The following HEMK2 variants were observed in gnomAD, a reference collection of about 807,000 sequenced individuals.
HEMK2 encodes the protein methyltransferase HEMK2.
the HEMK2 span, among the ~76,000 whole-genome samples, chr21:28,605,043 T>C: frequency 6.6e-6 from 1 of 152,242 alleles, no homozygotes; most frequent in African/African-American, 2.4e-5. Context: ...ATGTATCATG[T>C]AGGATTGATC....
chr21:28,669,235 T>C, the HEMK2 span, among the ~76,000 whole-genome samples: 8 of 152,234 alleles, frequency 5.3e-5, no homozygotes, highest in South Asian at 6.2e-4. Flanking sequence ...GGTACACATA[T>C]GTAATCCTAG....
At chr21:28,600,531 G>T in the HEMK2 span, among the ~76,000 whole-genome samples, 1 of 152,208 alleles carries the variant, frequency 6.6e-6, no homozygotes, top group Non-Finnish European at 1.5e-5. Context: ...GGCCTGTGAT[G>T]ATAAGGGCTG....
chr21:28,694,107 C>G, the HEMK2 span, among the ~76,000 whole-genome samples: 1 of 152,166 alleles, frequency 6.6e-6, no homozygotes, highest in Admixed American at 6.5e-5. Context: ...GGAAGGGTAC[C>G]TGTTTGTAAT....
chr21:28,658,707 C>T, the HEMK2 span, among the ~76,000 whole-genome samples: 1 of 152,070 alleles, frequency 6.6e-6, no homozygotes, highest in Non-Finnish European at 1.5e-5. Context: ...TTTAAGAAAT[C>T]GTATTATATC....
chr21:28,596,995 C>G, the HEMK2 span, among the ~76,000 whole-genome samples: 3 of 152,064 alleles, frequency 2.0e-5, no homozygotes, highest in African/African-American at 4.8e-5. Flanking sequence ...TAATTCAGAT[C>G]CCAGCCCTCT....
the HEMK2 span, among the ~76,000 whole-genome samples, chr21:28,700,466 G>A: frequency 6.6e-5 from 10 of 151,970 alleles, no homozygotes; most frequent in African/African-American, 2.2e-4. Flanking sequence ...GGACATTACC[G>A]CCAACCCCAC....
At chr21:28,670,394 C>T in the HEMK2 span, among the ~76,000 whole-genome samples, 1 of 152,096 alleles carries the variant, frequency 6.6e-6, no homozygotes, top group Non-Finnish European at 1.5e-5. Flanking sequence ...AACATTTAGC[C>T]ATGTGTGGTA....
chr21:28,710,021 C>T, the HEMK2 span, among the ~76,000 whole-genome samples: 1 of 152,184 alleles, frequency 6.6e-6, no homozygotes, highest in East Asian at 1.9e-4. Flanking sequence ...CCCATGTGGG[C>T]TCATCCAATA....
chr21:28,760,492 C>T, the HEMK2 span, among the ~76,000 whole-genome samples: 1 of 152,180 alleles, frequency 6.6e-6, no homozygotes, highest in Non-Finnish European at 1.5e-5. Flanking sequence ...AGGACATTAA[C>T]ACTGGAAAAG....
At chr21:28,837,038 T>G in the HEMK2 span, among the ~76,000 whole-genome samples, 17 of 152,296 alleles carry the variant, frequency 1.1e-4, no homozygotes, top group East Asian at 2.5e-3. Flanking sequence ...GCTCTGAAAT[T>G]TATAAAACAA....
At chr21:28,835,983 T>C in the HEMK2 span, among the ~76,000 whole-genome samples, 3 of 152,178 alleles carry the variant, frequency 2.0e-5, no homozygotes, top group African/African-American at 7.2e-5. Flanking sequence ...CCAAGAAGTC[T>C]GGGATTATGC....
At chr21:28,703,996 G>A in the HEMK2 span, among the ~76,000 whole-genome samples, 1 of 152,102 alleles carries the variant, frequency 6.6e-6, no homozygotes. Context: ...TTAATATTGT[G>A]AACCCATACA....
At chr21:28,640,834 A>G in the HEMK2 span, among the ~76,000 whole-genome samples, 4 of 152,266 alleles carry the variant, frequency 2.6e-5, no homozygotes, top group Admixed American at 1.3e-4. Context: ...TCTAATTAAC[A>G]TTTCACCTTC....
chr21:28,612,908 C>A, the HEMK2 span, among the ~76,000 whole-genome samples: 5 of 151,998 alleles, frequency 3.3e-5, no homozygotes, highest in African/African-American at 1.2e-4. Flanking sequence ...GGGAAAACTA[C>A]GAAACACTGA....
the HEMK2 span, among the ~76,000 whole-genome samples, chr21:28,610,886 C>T: frequency 6.6e-6 from 1 of 151,924 alleles, no homozygotes; most frequent in Non-Finnish European, 1.5e-5. Flanking sequence ...ACTGGAGCTC[C>T]CAAAGTTATA....
chr21:28,623,021 A>G, the HEMK2 span, among the ~76,000 whole-genome samples: 1 of 152,192 alleles, frequency 6.6e-6, no homozygotes, highest in Admixed American at 6.5e-5. Context: ...ACACAGCAAA[A>G]GAAACTATCA....
the HEMK2 span, among the ~76,000 whole-genome samples, chr21:28,582,546 G>T: frequency 1.3e-5 from 2 of 152,160 alleles, no homozygotes; most frequent in African/African-American, 4.8e-5. Context: ...CAGAGGGTCT[G>T]CCAGGGCTCT....
chr21:28,881,591 A>G, the HEMK2 span, among the ~76,000 whole-genome samples: 1 of 148,850 alleles, frequency 6.7e-6, no homozygotes, highest in Non-Finnish European at 1.5e-5. Flanking sequence ...TAGCATTCTT[A>G]GAGTTCCTGG....
chr21:28,616,603 G>A, the HEMK2 span, among the ~76,000 whole-genome samples: 4 of 152,108 alleles, frequency 2.6e-5, no homozygotes, highest in Middle Eastern at 3.4e-3. Flanking sequence ...GCTAGCCTAC[G>A]CCATTGTAGG....
Sources: gnomAD v4.1 joint callset for allele counts (sites outside exome capture counted in the v4.1 genomes callset) on GRCh38, gnomAD v4.1.1 for gene constraint, MANE v1.5 for transcripts, NCBI Gene and HGNC (gene_info 2026-07-23, HGNC 2026-07-21) for gene names.